The following CCDC74B variants were observed in gnomAD, a reference collection of about 807,000 sequenced individuals.
The protein encoded by CCDC74B is coiled-coil domain-containing protein 74B.
In CCDC74B, 34 loss-of-function variants were observed where a neutral mutation model predicts 38.0. The ratio of observed to expected loss-of-function variants is 0.89; its 90% confidence interval spans 0.68 to 1.19. The LOEUF is 1.19. CCDC74B is among the 50% of genes most tolerant of loss of function. CCDC74B has a pLI of 0.00. For missense variants in CCDC74B, 358 were observed against 406.0 expected, an observed-to-expected ratio of 0.88 and a Z score of 1.02; for synonymous variants, 132 against 170.4, an observed-to-expected ratio of 0.77 and a Z score of 1.76.
At chr2:130,142,301 C>T (rs1235652833) in intron 2 of CCDC74B, 118 bp from the exon 3 acceptor site, 4 of 1,609,300 alleles carry the variant, frequency 2.5e-6, no homozygotes, top group Non-Finnish European at 3.4e-6. Context: ...CCTCCCGGCT[C>T]TACCCACACT....
At chr2:130,141,756 G>A (rs187594322) in intron 3 of CCDC74B, 15 of 412,532 alleles carry the variant, frequency 3.6e-5, no homozygotes, top group East Asian at 5.0e-5. Flanking sequence ...CCAGGGCTCC[G>A]TGGGCAGTGC....
At chr2:130,144,433 C>G in intron 1 of CCDC74B, 2 of 1,277,588 alleles carry the variant, frequency 1.6e-6, no homozygotes, top group Non-Finnish European at 2.2e-6. Flanking sequence ...GCCGCCGCGC[C>G]CGGGCCCCTC....
At position 130,139,593 on chromosome 2, in the gene CCDC74B, C is replaced by G. The variant is rs1685450387; in HGVS notation, c.907G>C (p.Ala303Pro). 6.2e-7 allele frequency: 1 copy of G among 1,613,260 alleles called. No homozygotes were observed. Among genetic ancestry groups the G allele is most frequent in the East Asian group, 2.2e-5 (1 of 44,884 alleles). Residue 303 changes from alanine to proline, a missense_variant, in exon 8 of 8, where the codon GCA becomes CCA. Ala to Pro is a conservative substitution (Grantham distance 27, BLOSUM62 -1). Transcript: ENST00000409943. ...NFAERQKRLQ[A>P]MQKRRLHRSV... ...CGATGCAGGCGCCGTTTCTGCATTG[C>G]CTGCAGCCTCTTCTGCCTCTCGGCA...
chr2:130,140,104 G>A lies in CCDC74B; in HGVS notation c.679-8C>T. The A allele has an allele frequency of 6.2e-7, 1 of 1,613,080 alleles. No individual in the cohort carries two copies. Among genetic ancestry groups the A allele is most frequent in the African/African-American group, 1.3e-5 (1 of 75,010 alleles). On this transcript the variant is annotated splice_polypyrimidine_tract_variant and splice_region_variant and intron_variant, in intron 5 of 7. Transcript: ENST00000409943. ...GGACTTGAGGTGCTGCAGCTGAAAG[G>A]CAGGGGCAGGGGCGTGGTGGGGCCT...
intron 4 of CCDC74B, 57 bp downstream of exon 4, chr2:130,141,101 G>C: frequency 1.2e-6 from 2 of 1,608,444 alleles, no homozygotes; most frequent in Middle Eastern, 1.8e-4. Context: ...GGGCCCTTAG[G>C]GTGCAGGCAA....
At chr2:130,140,991 G>A in intron 4 of CCDC74B, 167 bp downstream of exon 4, 3 of 1,220,626 alleles carry the variant, frequency 2.5e-6, no homozygotes, top group Non-Finnish European at 3.4e-6. Flanking sequence ...GGTAGAGCGT[G>A]GCCGTCATCT....
chr2:130,141,955 C>CT, intron 3 of CCDC74B, 178 bp downstream of exon 3: 1 of 711,574 alleles, frequency 1.4e-6, no homozygotes, highest in Non-Finnish European at 2.2e-6. Context: ...TGCCCACCCC[C>CT]CCTTAATCCC....
intron 2 of CCDC74B, 69 bp downstream of exon 2, chr2:130,143,200 G>T (rs370679590): frequency 3.4e-5 from 53 of 1,576,462 alleles, no homozygotes; most frequent in Non-Finnish European, 4.1e-5. Flanking sequence ...AGGTGGGCAA[G>T]GACAGTCTGG....
rs905835532 is a variant in CCDC74B at position 130,144,943 on chromosome 2, C to T, written c.54G>A (p.Pro18=). The part of the protein sequence containing the change: ...AGTRPPSSPT[P]GSRRRRQRPS... ...GGCGCTGGCGCCGGCGCCGAGAGCC[C>T]GGGGTCGGCGAGCTGGGGGGCCGCG... The change falls in exon 1 of 8, where the codon CCG becomes CCA. Residue 18 remains proline (P), a synonymous_variant. Transcript: ENST00000409943. 1.2e-5 allele frequency: 18 copies of T among 1,506,552 alleles called. No individual in the cohort carries two copies. Among genetic ancestry groups the T allele is most frequent in the Admixed American group, 2.4e-5 (1 of 41,572 alleles). The allele number at this position is 1,506,552 out of a possible 1,614,324, so 93.3% of individuals were successfully genotyped here.
In CCDC74B at chr2:130,139,817, G is replaced by A. The variant is rs2599953; in HGVS notation, c.809+74C>T. 7 of 1,609,968 alleles carry A rather than the reference G, an allele frequency of 4.3e-6. No homozygotes were observed. The African/African-American group carries it at 6.7e-5, about 15-fold the overall frequency. On this transcript the variant is annotated intron_variant, in intron 7 of 7. Coordinates refer to ENST00000409943, the MANE Select transcript of CCDC74B (RefSeq NM_001258307.2). ...GCGAGCTCCGCTTCTGCGCTGCCAC[G>A]CTCCCTTCCCCACTCCCTCCCTGGG...
intron 1 of CCDC74B, among the ~76,000 whole-genome samples, chr2:130,143,605 C>T (rs986354732): frequency 6.6e-6 from 1 of 152,194 alleles, no homozygotes; most frequent in African/African-American, 2.4e-5. Context: ...TTTAGGGGTA[C>T]AGAGGTGAAC....
At chr2:130,143,698 G>C (rs1451055504) in intron 1 of CCDC74B, among the ~76,000 whole-genome samples, 2 of 152,150 alleles carry the variant, frequency 1.3e-5, no homozygotes, top group East Asian at 3.9e-4. Flanking sequence ...TGAGGAACGG[G>C]GCGTCCTGAG....
At position 130,140,038 on chromosome 2, in the gene CCDC74B, T is replaced by C. The variant is rs1685495827; in HGVS notation, c.737A>G (p.Glu246Gly). 1 of 1,607,140 alleles carries C rather than the reference T, an allele frequency of 6.2e-7. No homozygotes were observed. The highest frequency in any genetic ancestry group is 1.3e-5 in the African/African-American group (1 of 74,576). ...GSQRPQAVPE[E>G]ASFPRDQEAT... Reference sequence around the variant, plus strand: ...AGGCACTCACCTGGGAAAGCTAGCTTCCTCCGGGACTGCCTGGGGCCTCTG... The same window carrying C: ...AGGCACTCACCTGGGAAAGCTAGCTCCCTCCGGGACTGCCTGGGGCCTCTG... Residue 246 changes from glutamate (E) to glycine (G), a missense_variant, in exon 6 of 8, where the codon GAA becomes GGA. Physicochemically the swap from Glu to Gly is moderately conservative, Grantham distance 98. Around this residue, in one of 3 missense-constraint regions of CCDC74B, gnomAD observed 213 missense variants for 212.3 expected, o/e 1.00. Transcript: ENST00000409943.
intron 1 of CCDC74B, among the ~76,000 whole-genome samples, 197 bp from the exon 2 acceptor site, chr2:130,143,510 TC>T (rs1685809804): frequency 6.6e-6 from 1 of 152,176 alleles, no homozygotes; most frequent in African/African-American, 2.4e-5. Flanking sequence ...CCCTGCCTGT[TC>T]CCTAGGCAGA....
At chr2:130,139,771 C>A (rs539985577) in intron 7 of CCDC74B, 81 bp from the exon 8 acceptor site, 16 of 1,606,444 alleles carry the variant, frequency 1.0e-5, no homozygotes, top group Middle Eastern at 1.9e-4. Context: ...ATGGCCCTCA[C>A]GGGGGCACAG....
chr2:130,139,800 C>A, intron 7 of CCDC74B, 91 bp downstream of exon 7: 1 of 1,606,656 alleles, frequency 6.2e-7, no homozygotes. Flanking sequence ...CAGCGAGCTC[C>A]GCTTCTGCGC....
rs765999689 is a variant in CCDC74B at position 130,140,284 on chromosome 2, G to A, written c.573C>T (p.His191=). The change falls in exon 5 of 8, where the codon CAC becomes CAT. Residue 191 remains histidine, a synonymous_variant. Coordinates refer to ENST00000409943, the MANE Select transcript of CCDC74B (RefSeq NM_001258307.2). ...HQGRQMGAAA[H]PPMILPLPLR... ...GGGGAAGGGGCAGGATCATTGGGGG[G>A]TGTGCCGCCGCCCCCATCTGCCTGC... The A allele has an allele frequency of 8.1e-6, 13 of 1,613,108 alleles. No homozygotes were observed. The highest frequency in any genetic ancestry group is 3.3e-5 in the Admixed American group (2 of 59,942).
chr2:130,142,987 G>A (rs1190993391), intron 2 of CCDC74B: 4 of 1,505,788 alleles, frequency 2.7e-6, no homozygotes, highest in Admixed American at 4.3e-5. Flanking sequence ...TCCCATTTCA[G>A]CTCTACTTGG....
intron 7 of CCDC74B, 94 bp from the exon 8 acceptor site, chr2:130,139,784 A>C (rs1685473612): frequency 6.2e-7 from 1 of 1,606,630 alleles, no homozygotes; most frequent in Middle Eastern, 1.8e-4. Context: ...GGGCACAGAG[A>C]GGCCTCAGCG....
Sources: allele counts gnomAD v4.1 joint callset (sites outside exome capture counted in the v4.1 genomes callset), GRCh38; gene constraint gnomAD v4.1.1; regional missense constraint gnomAD v4.1.1; transcripts MANE v1.5; gene names NCBI Gene and HGNC (gene_info 2026-07-23, HGNC 2026-07-21).